BBS9: variants seen among roughly 807,000 people sequenced by gnomAD.
The protein encoded by BBS9 is protein PTHB1.
Under a neutral mutation model 117.7 loss-of-function variants are expected in BBS9, and 89 were observed. The observed-to-expected ratio is 0.76, with a 90% CI of 0.64 to 0.90. BBS9 has a LOEUF of 0.90. Among genes scored for constraint, BBS9 ranks in the 40% least tolerant of loss-of-function variants. BBS9 has a pLI of 0.00. For missense variants in BBS9, 982 were observed against 1,042.2 expected, an observed-to-expected ratio of 0.94 and a Z score of 0.80; for synonymous variants, 379 against 370.9, an observed-to-expected ratio of 1.02 and a Z score of -0.25.
At chr7:33,569,635 G>A (rs557506523) in intron 21 of BBS9, among the ~76,000 whole-genome samples, 33 of 151,716 alleles carry the variant, frequency 2.2e-4, no homozygotes, top group African/African-American at 6.0e-4. Flanking sequence ...GGTGGCTGGC[G>A]CCTATAGTCC....
At chr7:33,299,129 T>C (rs931488951) in intron 9 of BBS9, among the ~76,000 whole-genome samples, 3 of 152,224 alleles carry the variant, frequency 2.0e-5, no homozygotes, top group African/African-American at 7.2e-5. Flanking sequence ...AATCTAGCTA[T>C]CATGCTTCAG....
chr7:33,255,347 C>CT (rs34214619), intron 5 of BBS9, among the ~76,000 whole-genome samples: 72,511 of 133,846 alleles, frequency 0.54, 20,157 homozygotes, highest in Admixed American at 0.62. Flanking sequence ...AGATAAGGAT[C>CT]TTTTTTTTTT....
chr7:33,191,180 T>A (rs1296543837), intron 5 of BBS9, among the ~76,000 whole-genome samples: 1 of 152,144 alleles, frequency 6.6e-6, no homozygotes, highest in African/African-American at 2.4e-5. Context: ...ATACAGTCTT[T>A]TACATGCTCA....
intron 2 of BBS9, among the ~76,000 whole-genome samples, chr7:33,149,847 C>G (rs1225532686): frequency 6.6e-6 from 1 of 152,166 alleles, no homozygotes; most frequent in Non-Finnish European, 1.5e-5. Context: ...TAGCTTGTTA[C>G]CATGTGGACT....
At chr7:33,572,434 T>C (rs1379825186) in intron 21 of BBS9, among the ~76,000 whole-genome samples, 1 of 152,158 alleles carries the variant, frequency 6.6e-6, no homozygotes, top group African/African-American at 2.4e-5. Context: ...ATATACCAAT[T>C]TCCTTTCTTT....
chr7:33,273,382 C>T (rs570033211), intron 8 of BBS9, among the ~76,000 whole-genome samples, 187 bp downstream of exon 8: 3 of 152,248 alleles, frequency 2.0e-5, no homozygotes, highest in Admixed American at 6.5e-5. Context: ...TTGGTTTTGT[C>T]AGTCATTTTA....
downstream of BBS9, among the ~76,000 whole-genome samples, chr7:33,606,439 T>C (rs1403418823): frequency 6.6e-6 from 1 of 152,172 alleles, no homozygotes; most frequent in Non-Finnish European, 1.5e-5. Flanking sequence ...ATTTTTATGT[T>C]TTAGCAGGTG....
chr7:33,240,283 G>C, intron 5 of BBS9, among the ~76,000 whole-genome samples: 1 of 147,418 alleles, frequency 6.8e-6, no homozygotes, highest in Non-Finnish European at 1.5e-5. Context: ...TTTGAGACAG[G>C]ATCTTGCTAT....
chr7:33,468,328 C>T (rs1159170774), intron 19 of BBS9, among the ~76,000 whole-genome samples: 1 of 152,092 alleles, frequency 6.6e-6, no homozygotes, highest in Non-Finnish European at 1.5e-5. Flanking sequence ...AAGGCTGACC[C>T]TATTACACAG....
chr7:33,575,621 C>A (rs932360335), intron 21 of BBS9, among the ~76,000 whole-genome samples: 1 of 152,098 alleles, frequency 6.6e-6, no homozygotes, highest in Non-Finnish European at 1.5e-5. Context: ...AATTTTAGAC[C>A]AATATCCCTG....
chr7:33,208,519 C>G (rs1013381558), intron 5 of BBS9, among the ~76,000 whole-genome samples: 5 of 152,174 alleles, frequency 3.3e-5, no homozygotes, highest in Admixed American at 6.5e-5. Context: ...TGGGTCTGTG[C>G]CTTCCATAAG....
At chr7:33,439,441 T>A (rs780664214) in intron 19 of BBS9, among the ~76,000 whole-genome samples, 2 of 152,168 alleles carry the variant, frequency 1.3e-5, no homozygotes, top group Non-Finnish European at 2.9e-5. Flanking sequence ...TACATTTCTC[T>A]TCTCAGCTTT....
intron 19 of BBS9, among the ~76,000 whole-genome samples, chr7:33,437,100 C>CT (rs1382784406): frequency 6.6e-6 from 1 of 152,208 alleles, no homozygotes; most frequent in Non-Finnish European, 1.5e-5. Context: ...CTTTTGGAAT[C>CT]TATCTGTCCA....
intron 9 of BBS9, among the ~76,000 whole-genome samples, chr7:33,319,206 T>G (rs1305562525): frequency 3.3e-5 from 5 of 152,090 alleles, no homozygotes; most frequent in Non-Finnish European, 7.4e-5. Context: ...CCATCCAGGT[T>G]GCTGCAAATG....
chr7:33,230,112 A>C (rs1792060187), intron 5 of BBS9, among the ~76,000 whole-genome samples: 1 of 152,054 alleles, frequency 6.6e-6, no homozygotes. Context: ...GATTGTTTTG[A>C]TACTATTGAA....
At chr7:33,350,355 T>C (rs1199846403) in intron 13 of BBS9, among the ~76,000 whole-genome samples, 1 of 119,188 alleles carries the variant, frequency 8.4e-6, no homozygotes, top group Non-Finnish European at 1.9e-5. Flanking sequence ...TACCCAGCCA[T>C]TGAACTTTTG....
intron 4 of BBS9, among the ~76,000 whole-genome samples, chr7:33,164,716 A>G (rs891858600): frequency 1.1e-4 from 17 of 151,976 alleles, no homozygotes; most frequent in Non-Finnish European, 1.3e-4. Context: ...TTTTGAGCCT[A>G]TGTGTGTCTC....
At chr7:33,193,232 C>CT (rs922058931) in intron 5 of BBS9, among the ~76,000 whole-genome samples, 11 of 151,822 alleles carry the variant, frequency 7.2e-5, no homozygotes, top group African/African-American at 2.4e-4. Flanking sequence ...TATTTGGGTT[C>CT]TTTTTTTTGT....
rs1051716854 is a variant in BBS9, at chr7:33,155,689, C to G, written c.315C>G (p.Val105=). ...TGTTACATTCTAGAAAACTTTGTGT[C>G]TACTCTGTCTCAGGTAAGAAATATT... The part of the protein sequence containing the change: ...LAVLHSRKLC[V]YSVSGTLGNV... Residue 105 remains valine (V), a synonymous_variant, in exon 4 of 23, where the codon GTC becomes GTG. Transcript: ENST00000242067. 1 of 1,517,988 alleles carries G rather than the reference C, an allele frequency of 6.6e-7. No homozygotes were observed. The highest frequency in any genetic ancestry group is 1.5e-5 in the African/African-American group (1 of 64,728). 94.0% of individuals were successfully genotyped at this position (1,517,988 alleles called of 1,614,324 possible).
Sources: allele counts gnomAD v4.1 joint callset (sites outside exome capture counted in the v4.1 genomes callset), GRCh38; gene constraint gnomAD v4.1.1; transcripts MANE v1.5; gene names NCBI Gene and HGNC (gene_info 2026-07-23, HGNC 2026-07-21).